Variants in ZNF559 observed in about 807,000 individuals in gnomAD.
ZNF559 encodes putative protein product of Nbla00121.
ZNF559 carries 17 observed loss-of-function variants against 14.2 expected under a neutral mutation model. The ratio of observed to expected loss-of-function variants is 1.20; its 90% CI spans 0.82 to 1.80. The LOEUF (loss-of-function observed/expected upper bound fraction) is 1.80. Ranked by LOEUF, ZNF559 falls within the 40% of genes most tolerant of loss-of-function variation. ZNF559 has a pLI of 0.00. For synonymous variants in ZNF559, 244 were observed against 212.4 expected (o/e 1.15, Z -1.29); for missense variants, 740 against 629.7 (o/e 1.18, Z -1.88).
At chr19:9,333,728 A>G (rs1186432834) in intron 2 of ZNF559, among the ~76,000 whole-genome samples, 1 of 139,080 alleles carries the variant, frequency 7.2e-6, no homozygotes, top group Non-Finnish European at 1.6e-5. Context: ...ATAAGAGGAG[A>G]TAATTCCTAC....
intron 2 of ZNF559, among the ~76,000 whole-genome samples, chr19:9,327,490 C>T (rs2066681371): frequency 1.3e-5 from 2 of 152,286 alleles, no homozygotes; most frequent in Middle Eastern, 3.4e-3. Context: ...CTCAGGTGAT[C>T]CTCCCGCCTC....
chr19:9,336,210 A>T (rs556500274), intron 2 of ZNF559, among the ~76,000 whole-genome samples: 1 of 151,930 alleles, frequency 6.6e-6, no homozygotes, highest in African/African-American at 2.4e-5. Context: ...ATACATTTAT[A>T]TGTGTGTGTG....
rs528124364 is a variant in ZNF559 at position 9,324,312 on chromosome 19, G to C, written c.-206+84G>C. On this transcript the variant is annotated intron_variant, in intron 1 of 6. Transcript: ENST00000603380. ...GAAGGGTGGAAAGGGGAGGTGCCCAGTGAAATGGAGCCTGTCCCGTGCACT... is the reference window on the plus strand; with the variant it reads ...GAAGGGTGGAAAGGGGAGGTGCCCACTGAAATGGAGCCTGTCCCGTGCACT... The C allele has an allele frequency of 2.6e-6, 4 of 1,535,504 alleles. No homozygotes were observed. In the Admixed American group the frequency reaches 7.8e-5, roughly 30 times the overall value.
At position 9,341,510 on chromosome 19, in the gene ZNF559, G is replaced by A. The variant is rs117107816; in HGVS notation, c.244-185G>A. On this transcript the variant is annotated intron_variant, in intron 6 of 6. Transcript: ENST00000603380. Reference sequence around the variant, plus strand: ...AAAGAATATAACAGAACTTCCTGCAGTCACTTTGTTCCACTTGAAAACACT... The same window carrying A: ...AAAGAATATAACAGAACTTCCTGCAATCACTTTGTTCCACTTGAAAACACT... 8,175 of 1,089,854 alleles carry A rather than the reference G, an allele frequency of 7.5e-3. 32 individuals carry two copies. The highest frequency in any genetic ancestry group is 8.7e-3 in the Non-Finnish European group (6,484 of 745,484). 67.5% of individuals were successfully genotyped at this position (1,089,854 alleles called of 1,614,324 possible).
chr19:9,339,859 C>G (rs1303881242), intron 5 of ZNF559, among the ~76,000 whole-genome samples: 1 of 150,738 alleles, frequency 6.6e-6, no homozygotes, highest in Non-Finnish European at 1.5e-5. Flanking sequence ...AGCTCCGCCT[C>G]CCGGGTTCAC....
rs1470626272 is a variant in ZNF559 at position 9,345,587 on chromosome 19, T to TAA, written c.*2520_*2521dup. On this transcript the variant is annotated 3_prime_UTR_variant, in exon 7 of 7. Transcript: ENST00000603380. ...GTTTCACGTGCTTACTGGCCTTCTTTAAGCCTTTGGGGAAGAGTCTGTTCA... is the reference window on the plus strand; with the variant it reads ...GTTTCACGTGCTTACTGGCCTTCTTTAAAAGCCTTTGGGGAAGAGTCTGTTCA... 1 of 152,152 alleles carries TAA rather than the reference T, an allele frequency of 6.6e-6. No homozygotes were observed. Among genetic ancestry groups the TAA allele is most frequent in the African/African-American group, 2.4e-5 (1 of 41,440 alleles). 9.4% of individuals were successfully genotyped at this position (152,152 alleles called of 1,614,324 possible).
chr19:9,330,685 C>T (rs2066891175), intron 2 of ZNF559, among the ~76,000 whole-genome samples: 1 of 152,142 alleles, frequency 6.6e-6, no homozygotes, highest in Admixed American at 6.5e-5. Context: ...GAATTTCTCA[C>T]TTCATTCATG....
chr19:9,339,124 T>G, intron 4 of ZNF559, 69 bp from the exon 5 acceptor site: 1 of 1,604,586 alleles, frequency 6.2e-7, no homozygotes, highest in Non-Finnish European at 8.5e-7. Flanking sequence ...CAAGACAAGG[T>G]CCCTCATTCT....
chr19:9,324,260 G>A, intron 1 of ZNF559, 32 bp downstream of exon 1: 1 of 1,536,112 alleles, frequency 6.5e-7, no homozygotes, highest in Admixed American at 2.0e-5. Context: ...GCGTTCGGTG[G>A]TGTCCCGGTG....
chr19:9,326,897 G>GT (rs914565255), intron 2 of ZNF559, among the ~76,000 whole-genome samples: 25 of 152,090 alleles, frequency 1.6e-4, no homozygotes, highest in Non-Finnish European at 4.4e-5. Flanking sequence ...ATACTTAAAA[G>GT]TTTTTCAATA....
chr19:9,341,317 T>C (rs1181689685), intron 6 of ZNF559, 133 bp downstream of exon 6: 1 of 872,252 alleles, frequency 1.1e-6, no homozygotes, highest in Non-Finnish European at 1.9e-6. Context: ...AATCTGTCTC[T>C]TGGAGAGACT....
At chr19:9,333,562 GCTT>G (rs1284462252) in intron 2 of ZNF559, among the ~76,000 whole-genome samples, 8 of 152,070 alleles carry the variant, frequency 5.3e-5, no homozygotes, top group African/African-American at 1.9e-4. Context: ...GGTGGCACAT[GCTT>G]CTTCTCCTAG....
At chr19:9,329,015 CAAAA>C (rs1163028360) in intron 2 of ZNF559, among the ~76,000 whole-genome samples, 1 of 152,092 alleles carries the variant, frequency 6.6e-6, no homozygotes, top group South Asian at 2.1e-4. Context: ...AGCAACAACT[CAAAA>C]AAGTCATTAG....
intron 2 of ZNF559, chr19:9,333,232 T>A (rs1474791179): frequency 1.3e-5 from 2 of 152,166 alleles, no homozygotes; most frequent in Admixed American, 6.5e-5. Context: ...AGTGCTAGGA[T>A]TACAGGCATG....
chr19:9,338,812 T>C (rs2067381345), intron 4 of ZNF559, among the ~76,000 whole-genome samples: 2 of 152,212 alleles, frequency 1.3e-5, no homozygotes, highest in Admixed American at 1.3e-4. Context: ...TCATCCATGC[T>C]GATATGCTTT....
chr19:9,338,352 G>C (rs536007722), intron 3 of ZNF559, 142 bp from the exon 4 acceptor site: 1 of 631,006 alleles, frequency 1.6e-6, no homozygotes, highest in African/African-American at 1.8e-5. Context: ...ATATTTTCTG[G>C]CTTCAGGTGA....
At chr19:9,338,623 T>C (rs1675469739) in intron 4 of ZNF559, 41 bp downstream of exon 4, 1 of 1,461,084 alleles carries the variant, frequency 6.8e-7, no homozygotes, top group African/African-American at 1.4e-5. Flanking sequence ...CATATGCTTC[T>C]TCCTACCATG....
chr19:9,342,688 CAG>C lies in ZNF559; in HGVS notation c.1238_1239del (p.Gln413LeufsTer25). 6.2e-7 allele frequency: 1 copy of C among 1,614,012 alleles called. No homozygotes were observed. The highest frequency in any genetic ancestry group is 8.5e-7 in the Non-Finnish European group (1 of 1,180,002). ...TGGTGTAAAACCCTATGACTGTCAA[CAG>C]TGTGGGAAAGCCTTCATTCGATCCT... is the stretch of plus-strand genomic sequence containing the variant. Reference protein sequence around the residue: ...HPGVKPYDCQQCGKAFIRSSF... With the variant: ...HPGVKPYDCQXCGKAFIRSSF... On this transcript the variant is annotated frameshift_variant, in exon 7 of 7. Coordinates refer to ENST00000603380, the MANE Select transcript of ZNF559 (RefSeq NM_032497.3). LOFTEE classifies it low-confidence loss of function (END_TRUNC).
chr19:9,328,610 G>C (rs2066767816), intron 2 of ZNF559, among the ~76,000 whole-genome samples: 1 of 151,906 alleles, frequency 6.6e-6, no homozygotes, highest in African/African-American at 2.4e-5. Context: ...CCTGACCTCA[G>C]GTGATCCACC....
Sources: allele counts gnomAD v4.1 joint callset (sites outside exome capture counted in the v4.1 genomes callset), GRCh38; gene constraint gnomAD v4.1.1; transcripts MANE v1.5; gene names NCBI Gene and HGNC (gene_info 2026-07-23, HGNC 2026-07-21).